The following SYNDIG1 variants were observed in gnomAD, a reference collection of about 807,000 sequenced individuals.
The protein encoded by SYNDIG1 is synapse differentiation-inducing gene protein 1.
SYNDIG1 carries 9 observed loss-of-function variants against 19.4 expected under a neutral mutation model. The ratio of observed to expected loss-of-function variants is 0.46; its 90% CI spans 0.28 to 0.81. The LOEUF (loss-of-function observed/expected upper bound fraction) is 0.81, where lower values mean the gene tolerates loss of function less well. SYNDIG1 is among the 30% of genes least tolerant of loss of function. The pLI is 0.12. For synonymous variants in SYNDIG1, 141 were observed against 145.9 expected, an observed-to-expected ratio of 0.97 and a Z score of 0.24; for missense variants, 311 against 343.3, an observed-to-expected ratio of 0.91 and a Z score of 0.74.
At chr20:24,536,190 C>T (rs2057358315) in intron 1 of SYNDIG1, among the ~76,000 whole-genome samples, 1 of 152,300 alleles carries the variant, frequency 6.6e-6, no homozygotes, top group South Asian at 2.1e-4. Context: ...CAGGCCTGAG[C>T]TGGGCAGCCT....
intron 3 of SYNDIG1, among the ~76,000 whole-genome samples, chr20:24,641,663 A>G (rs1054225925): frequency 1.3e-5 from 2 of 152,196 alleles, no homozygotes; most frequent in African/African-American, 4.8e-5. Flanking sequence ...ACTAGTTAAC[A>G]TACGTGCTAG....
At chr20:24,664,336 T>C (rs1350900767) in intron 3 of SYNDIG1, among the ~76,000 whole-genome samples, 1 of 152,164 alleles carries the variant, frequency 6.6e-6, no homozygotes, top group Non-Finnish European at 1.5e-5. Context: ...CTATAAAACC[T>C]AGTAATGTCA....
rs550828726 is a variant in SYNDIG1 at position 24,609,513 on chromosome 20, G to A, written c.618+24520G>A. On this transcript the variant is annotated intron_variant, in intron 3 of 3. Coordinates refer to ENST00000376862, the MANE Select transcript of SYNDIG1 (RefSeq NM_024893.3). Reference sequence around the variant, plus strand: ...TTGTGGCAGCACTCAAGCACACACAGGAGCAGAGGATGATGAGTCCCTGGA... The same window carrying A: ...TTGTGGCAGCACTCAAGCACACACAAGAGCAGAGGATGATGAGTCCCTGGA... Among the ~76,000 whole-genome samples the A allele has an allele frequency of 4.6e-5, 7 of 152,284 alleles. No individual in the cohort carries two copies. The East Asian group carries it at 1.2e-3, about 25-fold the overall frequency.
At chr20:24,618,992 G>A (rs1241026785) in intron 3 of SYNDIG1, among the ~76,000 whole-genome samples, 2 of 152,142 alleles carry the variant, frequency 1.3e-5, no homozygotes, top group Non-Finnish European at 2.9e-5. Context: ...TTTTCTTCCA[G>A]GTATGGCCTC....
intron 3 of SYNDIG1, among the ~76,000 whole-genome samples, chr20:24,635,854 G>A (rs548420154): frequency 6.6e-6 from 1 of 151,944 alleles, no homozygotes. Flanking sequence ...TCTAGCACCC[G>A]GTCACCATGC....
At chr20:24,526,256 T>C (rs562756296) in intron 1 of SYNDIG1, among the ~76,000 whole-genome samples, 38 of 152,308 alleles carry the variant, frequency 2.5e-4, no homozygotes, top group African/African-American at 8.9e-4. Context: ...CCTAGTTTTC[T>C]ATTTAGAATT....
chr20:24,578,105 G>A (rs978940760), intron 2 of SYNDIG1, among the ~76,000 whole-genome samples: 1 of 152,220 alleles, frequency 6.6e-6, no homozygotes, highest in East Asian at 1.9e-4. Flanking sequence ...TTAGGATACA[G>A]CTTTGGATAA....
chr20:24,641,245 A>G (rs530739659), intron 3 of SYNDIG1, among the ~76,000 whole-genome samples: 1 of 152,322 alleles, frequency 6.6e-6, no homozygotes, highest in South Asian at 2.1e-4. Context: ...AGAACTTACT[A>G]TGAAATACAT....
intron 1 of SYNDIG1, among the ~76,000 whole-genome samples, chr20:24,500,916 GC>G (rs1356779287): frequency 6.6e-6 from 1 of 152,132 alleles, no homozygotes; most frequent in Non-Finnish European, 1.5e-5. Context: ...CTCTGGGGAA[GC>G]CCTGAGGGAA....
At position 24,548,621 on chromosome 20, in the gene SYNDIG1, T is replaced by C. The variant is rs138685522; in HGVS notation, c.480+5044T>C. 1.3e-3 allele frequency among the ~76,000 whole-genome samples: 192 copies of C among 152,366 alleles called. 2 individuals are homozygous for C. Among genetic ancestry groups the C allele is most frequent in the Non-Finnish European group, 1.2e-3 (84 of 68,040 alleles). On this transcript the variant is annotated intron_variant, in intron 2 of 3. Coordinates refer to ENST00000376862, the MANE Select transcript of SYNDIG1 (RefSeq NM_024893.3). Reference sequence around the variant, plus strand: ...GTTCAGAAAATAATAAACAGCATTTTGAAAATTATTTTTAGTATCTCCAGA... The same window carrying C: ...GTTCAGAAAATAATAAACAGCATTTCGAAAATTATTTTTAGTATCTCCAGA...
chr20:24,530,801 T>G (rs2057241050), intron 1 of SYNDIG1, among the ~76,000 whole-genome samples: 1 of 151,074 alleles, frequency 6.6e-6, no homozygotes. Flanking sequence ...GTTTGTTTTT[T>G]GGGTTTTTTG....
chr20:24,556,802 A>T (rs1600616500), intron 2 of SYNDIG1, among the ~76,000 whole-genome samples: 2 of 152,268 alleles, frequency 1.3e-5, no homozygotes, highest in Admixed American at 1.3e-4. Flanking sequence ...GCTCTTCTCA[A>T]GGAGTATCTT....
intron 1 of SYNDIG1, among the ~76,000 whole-genome samples, chr20:24,489,267 C>T (rs1286235202): frequency 2.0e-5 from 3 of 152,046 alleles, no homozygotes; most frequent in Non-Finnish European, 4.4e-5. Context: ...CATGCATGCA[C>T]ACACGTGCTC....
intron 1 of SYNDIG1, among the ~76,000 whole-genome samples, chr20:24,485,299 C>A (rs2055924851): frequency 6.6e-6 from 1 of 152,196 alleles, no homozygotes; most frequent in Non-Finnish European, 1.5e-5. Context: ...TTAAAAGTAT[C>A]TTCTAGAGTG....
intron 3 of SYNDIG1, among the ~76,000 whole-genome samples, chr20:24,612,789 C>T (rs1402506706): frequency 1.3e-5 from 2 of 152,190 alleles, no homozygotes; most frequent in African/African-American, 4.8e-5. Context: ...CGGAGAGGCT[C>T]CTGGATCTAG....
At chr20:24,628,106 C>A (rs372897290) in intron 3 of SYNDIG1, among the ~76,000 whole-genome samples, 1 of 152,214 alleles carries the variant, frequency 6.6e-6, no homozygotes, top group African/African-American at 2.4e-5. Flanking sequence ...GCTGTGAGTA[C>A]GGCTCGCTCT....
intron 2 of SYNDIG1, among the ~76,000 whole-genome samples, chr20:24,561,275 G>A (rs966142629): frequency 6.6e-6 from 1 of 152,146 alleles, no homozygotes; most frequent in African/African-American, 2.4e-5. Flanking sequence ...GTCCACTCAG[G>A]ATGTGAGGAG....
intron 1 of SYNDIG1, among the ~76,000 whole-genome samples, chr20:24,493,184 C>T (rs1300192430): frequency 6.6e-6 from 1 of 152,248 alleles, no homozygotes; most frequent in Non-Finnish European, 1.5e-5. Flanking sequence ...TCATTTTTCA[C>T]TCCAATTAGC....
At chr20:24,483,867 G>A (rs1729946748) in intron 1 of SYNDIG1, among the ~76,000 whole-genome samples, 1 of 152,150 alleles carries the variant, frequency 6.6e-6, no homozygotes, top group Non-Finnish European at 1.5e-5. Context: ...AGTGCAAGTG[G>A]CGATACAGGC....
Sources: gnomAD v4.1 joint callset for allele counts (sites outside exome capture counted in the v4.1 genomes callset) on GRCh38, gnomAD v4.1.1 for gene constraint, MANE v1.5 for transcripts, NCBI Gene and HGNC (gene_info 2026-07-23, HGNC 2026-07-21) for gene names.